Variants in MGAT4C observed in about 807,000 individuals in gnomAD.
MGAT4C encodes alpha-1,3-mannosyl-glycoprotein 4-beta-N-acetylglucosaminyltransferase C.
Under a neutral mutation model 40.1 loss-of-function variants are expected in MGAT4C, and 19 were observed. That is an observed-to-expected ratio of 0.47 (90% CI 0.33 to 0.70). MGAT4C has a LOEUF of 0.70. Among genes scored for constraint, MGAT4C ranks in the 30% least tolerant of loss-of-function variants. The pLI is 0.02. For missense variants in MGAT4C, 491 were observed against 563.2 expected (o/e 0.87, Z 1.30); for synonymous variants, 181 against 187.1 (o/e 0.97, Z 0.27).
intron 3 of MGAT4C, among the ~76,000 whole-genome samples, chr12:86,380,838 G>T (rs1955914333): frequency 6.6e-6 from 1 of 152,066 alleles, no homozygotes; most frequent in Non-Finnish European, 1.5e-5. Context: ...AGATCAAAAT[G>T]CCTAACGTCT....
Position 85,958,018 on chromosome 12 carries a change from A to T in MGAT4C, c.*21271T>A, listed in dbSNP as rs535249705. The T allele has an allele frequency of 1.4e-5, 2 of 143,604 alleles. No homozygotes were observed. The highest frequency in any genetic ancestry group is 3.9e-4 in the East Asian group (2 of 5,138). The allele number at this position is 143,604 out of a possible 1,614,324, so 8.9% of individuals were successfully genotyped here. A position where few individuals can be genotyped will look rare whatever the true frequency, so the allele number is the denominator to read the frequency against. Reference sequence around the variant, plus strand: ...TTCCAAATACAAGACTGAATTGTTTACAGTTTTTCTAAGTGTTTTTGTGTG... The same window carrying T: ...TTCCAAATACAAGACTGAATTGTTTTCAGTTTTTCTAAGTGTTTTTGTGTG... On this transcript the variant is annotated 3_prime_UTR_variant, in exon 5 of 5. Coordinates refer to ENST00000611864, the MANE Select transcript of MGAT4C (RefSeq NM_001351288.2).
intron 1 of MGAT4C, among the ~76,000 whole-genome samples, chr12:86,780,405 C>T (rs1351778691): frequency 5.3e-5 from 8 of 151,550 alleles, no homozygotes; most frequent in Non-Finnish European, 1.2e-4. Context: ...TTGTGATCTT[C>T]AGTGTTAGAG....
chr12:86,078,207 G>C (rs764741304), intron 1 of MGAT4C, among the ~76,000 whole-genome samples: 14 of 152,086 alleles, frequency 9.2e-5, no homozygotes, highest in Non-Finnish European at 1.9e-4. Context: ...AGAGAACTTT[G>C]CCCCAGCCCT....
chr12:86,721,504 C>G (rs1950735783), intron 2 of MGAT4C, among the ~76,000 whole-genome samples: 1 of 152,058 alleles, frequency 6.6e-6, no homozygotes, highest in Non-Finnish European at 1.5e-5. Context: ...TATCCACTTT[C>G]CTCTCTTCTT....
At chr12:85,992,996 G>A (rs934844759) in intron 2 of MGAT4C, among the ~76,000 whole-genome samples, 9 of 152,188 alleles carry the variant, frequency 5.9e-5, no homozygotes, top group African/African-American at 2.2e-4. Context: ...TCTTAAGCTT[G>A]CCCCAGCCTA....
chr12:86,692,302 C>A (rs971619981), intron 2 of MGAT4C, among the ~76,000 whole-genome samples: 1 of 151,928 alleles, frequency 6.6e-6, no homozygotes, highest in Non-Finnish European at 1.5e-5. Context: ...TATCACAGTA[C>A]GTACATAGTA....
At chr12:86,443,184 ATG>A (rs201717549) in intron 2 of MGAT4C, among the ~76,000 whole-genome samples, 6 of 150,792 alleles carry the variant, frequency 4.0e-5, no homozygotes, top group South Asian at 4.2e-4. Context: ...GACATTATAT[ATG>A]TGTGTGTGTG....
intron 2 of MGAT4C, among the ~76,000 whole-genome samples, chr12:86,465,596 G>A (rs1043212507): frequency 6.6e-6 from 1 of 151,868 alleles, no homozygotes; most frequent in Admixed American, 6.6e-5. Context: ...TCATCAAAAA[G>A]GATACACAGA....
intron 1 of MGAT4C, among the ~76,000 whole-genome samples, chr12:86,826,935 A>C (rs1221647618): frequency 3.3e-5 from 5 of 151,472 alleles, no homozygotes. Context: ...AAAGCCAATT[A>C]AAGAAGCTTT....
At chr12:86,751,519 C>T (rs576280043) in intron 1 of MGAT4C, among the ~76,000 whole-genome samples, 1 of 152,136 alleles carries the variant, frequency 6.6e-6, no homozygotes, top group East Asian at 1.9e-4. Flanking sequence ...CCAGCCCCTG[C>T]ACTCAGCTAA....
intron 2 of MGAT4C, among the ~76,000 whole-genome samples, chr12:86,626,750 T>A (rs1032177551): frequency 2.0e-5 from 3 of 152,202 alleles, no homozygotes; most frequent in Non-Finnish European, 4.4e-5. Flanking sequence ...AATTGTTCTG[T>A]TCCAAGGTGG....
chr12:86,344,864 A>C (rs1409872949), intron 3 of MGAT4C, among the ~76,000 whole-genome samples: 1 of 152,000 alleles, frequency 6.6e-6, no homozygotes, highest in Non-Finnish European at 1.5e-5. Flanking sequence ...ACATATTGAC[A>C]TATTTAATCC....
At chr12:86,425,387 C>T (rs1240946033) in intron 3 of MGAT4C, among the ~76,000 whole-genome samples, 1 of 152,094 alleles carries the variant, frequency 6.6e-6, no homozygotes, top group Non-Finnish European at 1.5e-5. Flanking sequence ...AAAAGTGTAG[C>T]ACTTCCTCGC....
chr12:86,157,120 AG>A, intron 1 of MGAT4C, among the ~76,000 whole-genome samples: 1 of 100,834 alleles, frequency 9.9e-6, no homozygotes, highest in East Asian at 3.0e-4. Context: ...ATTTTGCTTT[AG>A]GCAAAATATG....
At chr12:86,497,432 T>G (rs979235956) in intron 2 of MGAT4C, among the ~76,000 whole-genome samples, 1 of 151,936 alleles carries the variant, frequency 6.6e-6, no homozygotes, top group Non-Finnish European at 1.5e-5. Flanking sequence ...AACAAGGAAA[T>G]TGTTACTTTT....
At chr12:86,805,461 G>A (rs1212630489) in intron 1 of MGAT4C, among the ~76,000 whole-genome samples, 1 of 151,896 alleles carries the variant, frequency 6.6e-6, no homozygotes, top group Non-Finnish European at 1.5e-5. Context: ...AGTGAAACAT[G>A]TGGTATTTGG....
At chr12:86,599,653 A>G (rs1042253593) in intron 2 of MGAT4C, 1 of 152,056 alleles carries the variant, frequency 6.6e-6, no homozygotes, top group African/African-American at 2.4e-5. Flanking sequence ...ACATTATCCC[A>G]TTTTACAGCT....
chr12:86,496,865 A>C (rs1260483083), intron 2 of MGAT4C, among the ~76,000 whole-genome samples: 1 of 152,008 alleles, frequency 6.6e-6, no homozygotes, highest in African/African-American at 2.4e-5. Context: ...TGTAGTTCAT[A>C]CTAGAAAATG....
At chr12:86,016,436 G>A (rs193002712) in intron 2 of MGAT4C, 1 of 150,102 alleles carries the variant, frequency 6.7e-6, no homozygotes, top group East Asian at 1.9e-4. Context: ...GTGCAGACAG[G>A]ATAGTTCCAA....
Sources: gnomAD v4.1 joint callset for allele counts (sites outside exome capture counted in the v4.1 genomes callset) on GRCh38, gnomAD v4.1.1 for gene constraint, MANE v1.5 for transcripts, NCBI Gene and HGNC (gene_info 2026-07-23, HGNC 2026-07-21) for gene names.